The following FSTL5 variants were observed in gnomAD, a reference collection of about 807,000 sequenced individuals.
FSTL5 encodes follistatin-related protein 5.
FSTL5 carries 62 observed loss-of-function variants against 89.1 expected under a neutral mutation model. The ratio of observed to expected loss-of-function variants is 0.70; its 90% confidence interval spans 0.57 to 0.86. FSTL5 has a LOEUF of 0.86. FSTL5 is among the 40% of genes least tolerant of loss of function. The pLI is 0.00. For synonymous variants in FSTL5, 383 were observed against 346.2 expected (o/e 1.11, Z -1.18); for missense variants, 1,057 against 1,001.6 (o/e 1.06, Z -0.75).
At chr4:161,532,095 C>T (rs1012008804) in intron 10 of FSTL5, among the ~76,000 whole-genome samples, 56 of 151,562 alleles carry the variant, frequency 3.7e-4, no homozygotes, top group African/African-American at 1.3e-3. Context: ...GTCCCAGCTA[C>T]TTGGGAGGCT....
intron 2 of FSTL5, among the ~76,000 whole-genome samples, chr4:162,083,573 C>A (rs1171748276): frequency 6.6e-6 from 1 of 151,604 alleles, no homozygotes; most frequent in Non-Finnish European, 1.5e-5. Context: ...TGGAAGAGAT[C>A]TTCTCCCTGG....
intron 4 of FSTL5, among the ~76,000 whole-genome samples, chr4:161,847,205 G>C: frequency 6.6e-6 from 1 of 152,066 alleles, no homozygotes; most frequent in Non-Finnish European, 1.5e-5. Context: ...AAATCCAAAT[G>C]TCCCATGCAA....
At chr4:162,157,176 A>C (rs1292283001) in intron 1 of FSTL5, among the ~76,000 whole-genome samples, 1 of 152,180 alleles carries the variant, frequency 6.6e-6, no homozygotes, top group Non-Finnish European at 1.5e-5. Context: ...AATCAGACAA[A>C]GCTACATGAT....
intron 3 of FSTL5, among the ~76,000 whole-genome samples, chr4:161,959,665 G>T (rs566198686): frequency 3.2e-4 from 48 of 152,204 alleles, no homozygotes; most frequent in Non-Finnish European, 6.9e-4. Context: ...TATATATTTA[G>T]ACTAGAGATG....
chr4:161,594,658 T>G (rs373219247), intron 7 of FSTL5, among the ~76,000 whole-genome samples: 2 of 152,024 alleles, frequency 1.3e-5, no homozygotes, highest in East Asian at 3.8e-4. Context: ...AATTAAAATA[T>G]TCCAGCCAAA....
At chr4:161,475,027 C>CTTTT (rs58684881) in intron 13 of FSTL5, among the ~76,000 whole-genome samples, 1 of 129,450 alleles carries the variant, frequency 7.7e-6, no homozygotes, top group Non-Finnish European at 1.7e-5. Flanking sequence ...CCTTGATTGG[C>CTTTT]TTTTTTTTTT....
intron 4 of FSTL5, among the ~76,000 whole-genome samples, chr4:161,887,318 TCTCTA>T (rs1579169286): frequency 6.6e-6 from 1 of 152,098 alleles, no homozygotes; most frequent in East Asian, 1.9e-4. Context: ...TTCAGTCATA[TCTCTA>T]GGAACACTTA....
At chr4:161,728,994 T>A (rs1023177075) in intron 6 of FSTL5, among the ~76,000 whole-genome samples, 7 of 152,036 alleles carry the variant, frequency 4.6e-5, no homozygotes, top group African/African-American at 1.7e-4. Context: ...GCCCTGGAAA[T>A]CCATCACAAA....
chr4:161,655,400 C>G (rs985446801), intron 7 of FSTL5, among the ~76,000 whole-genome samples: 2 of 152,000 alleles, frequency 1.3e-5, no homozygotes, highest in African/African-American at 4.8e-5. Flanking sequence ...CCAGTGAACA[C>G]ATGACCCCAG....
intron 10 of FSTL5, among the ~76,000 whole-genome samples, chr4:161,516,498 A>G (rs2126508827): frequency 7.1e-6 from 1 of 141,402 alleles, no homozygotes; most frequent in Non-Finnish European, 1.5e-5. Flanking sequence ...TTTATATGTA[A>G]TTTATTATAT....
chr4:161,842,511 A>G (rs530551179), intron 4 of FSTL5, among the ~76,000 whole-genome samples: 2 of 152,130 alleles, frequency 1.3e-5, no homozygotes, highest in Non-Finnish European at 1.5e-5. Context: ...TTTCAAGTCT[A>G]TCATCTGTTT....
rs1225628637 is a variant in FSTL5 at position 161,526,387 on chromosome 4, C to T, written c.1312+11779G>A. 2.0e-5 allele frequency among the ~76,000 whole-genome samples: 3 copies of T among 152,048 alleles called. No homozygotes were observed. The East Asian group carries it at 5.8e-4, about 29-fold the overall frequency. On this transcript the variant is annotated intron_variant, in intron 10 of 15. Coordinates refer to ENST00000306100, the MANE Select transcript of FSTL5 (RefSeq NM_020116.5). ...TCCAAAGGATGTATTATTCTTTACA[C>T]CAGAGTTGAGTATTACCATATGTAT...
chr4:161,961,540 T>C lies in FSTL5; in HGVS notation c.161-40888A>G, dbSNP rs201653290. Among the ~76,000 whole-genome samples, 9 of 130,788 alleles carry C rather than the reference T, an allele frequency of 6.9e-5. No homozygotes were observed. The East Asian group carries it at 6.9e-4, about 10-fold the overall frequency. 85.8% of individuals were successfully genotyped at this position (130,788 alleles called of 152,430 possible). A position where few individuals can be genotyped will look rare whatever the true frequency, so the allele number is the denominator to read the frequency against. ...CTCTAGAAAAATATATATATATATA[T>C]ACATATACATATATATGCATAGATA... On this transcript the variant is annotated intron_variant, in intron 3 of 15. Transcript: ENST00000306100.
At chr4:161,611,231 C>CATATATATATAT (rs70937667) in intron 7 of FSTL5, among the ~76,000 whole-genome samples, 182 of 128,446 alleles carry the variant, frequency 1.4e-3, no homozygotes, top group Middle Eastern at 4.6e-3. Flanking sequence ...TATGTGTATA[C>CATATATATATAT]ATATATATAT....
intron 6 of FSTL5, among the ~76,000 whole-genome samples, chr4:161,748,025 A>G (rs4691793): frequency 0.067 from 10,180 of 152,178 alleles, 584 homozygotes; most frequent in African/African-American, 0.15. Context: ...AGAATGTATA[A>G]TATAATATCC....
intron 10 of FSTL5, among the ~76,000 whole-genome samples, chr4:161,529,922 A>G (rs1731352758): frequency 7.0e-6 from 1 of 142,850 alleles, no homozygotes; most frequent in South Asian, 2.4e-4. Flanking sequence ...TTACTAATCG[A>G]TGACTTTTGC....
intron 12 of FSTL5, among the ~76,000 whole-genome samples, chr4:161,490,768 A>C (rs1422827395): frequency 6.6e-6 from 1 of 152,186 alleles, no homozygotes; most frequent in Non-Finnish European, 1.5e-5. Context: ...GCATTACTGT[A>C]ATTCACACAT....
At chr4:161,470,109 A>G (rs1262540484) in intron 13 of FSTL5, among the ~76,000 whole-genome samples, 5 of 152,136 alleles carry the variant, frequency 3.3e-5, no homozygotes, top group African/African-American at 1.2e-4. Flanking sequence ...AAAATTATTA[A>G]GTCCAATTTA....
intron 4 of FSTL5, among the ~76,000 whole-genome samples, chr4:161,783,757 T>TTTCTTTCTTTCC (rs1741781753): frequency 4.6e-5 from 5 of 108,610 alleles, no homozygotes; most frequent in Non-Finnish European, 5.6e-5. Context: ...TCTTTCTTTC[T>TTTCTTTCTTTCC]TTCCTTCTTT....
Sources: allele counts gnomAD v4.1 joint callset (sites outside exome capture counted in the v4.1 genomes callset), GRCh38; gene constraint gnomAD v4.1.1; transcripts MANE v1.5; gene names NCBI Gene and HGNC (gene_info 2026-07-23, HGNC 2026-07-21).